GORASP2: variants seen among roughly 807,000 people sequenced by gnomAD.
The protein encoded by GORASP2 is golgi reassembly stacking protein 2.
Under a neutral mutation model 45.7 loss-of-function variants are expected in GORASP2, and 22 were observed. That is an observed-to-expected ratio of 0.48 (90% CI 0.34 to 0.69). The LOEUF is 0.69. Ranked by LOEUF, GORASP2 falls within the 30% of genes least tolerant of loss-of-function variation. The probability of loss-of-function intolerance (pLI) is 0.01; values close to 1 mark genes in which losing one functional copy is unlikely to be tolerated. For missense variants in GORASP2, 491 were observed against 562.7 expected, an observed-to-expected ratio of 0.87 and a Z score of 1.29; for synonymous variants, 221 against 215.6, an observed-to-expected ratio of 1.02 and a Z score of -0.22.
chr2:170,929,295 G>T lies in GORASP2; in HGVS notation c.-46G>T. On this transcript the variant is annotated 5_prime_UTR_variant, in exon 1 of 10. Transcript: ENST00000234160. ...TTAGAGCAGGCGGTGCGCTGGGGGCGGGAGCAGCGCGGAGCCCGGCTCGGC... is the reference window on the plus strand; with the variant it reads ...TTAGAGCAGGCGGTGCGCTGGGGGCTGGAGCAGCGCGGAGCCCGGCTCGGC... The T allele has an allele frequency of 7.6e-7, 1 of 1,315,308 alleles. No individual in the cohort carries two copies. Among genetic ancestry groups the T allele is most frequent in the Non-Finnish European group, 9.7e-7 (1 of 1,027,142 alleles). The allele number at this position is 1,315,308 out of a possible 1,614,324, so 81.5% of individuals were successfully genotyped here.
chr2:170,947,738 C>T (rs1310300383), intron 1 of GORASP2, among the ~76,000 whole-genome samples: 1 of 152,098 alleles, frequency 6.6e-6, no homozygotes, highest in Non-Finnish European at 1.5e-5. Context: ...TGCTGTGTCC[C>T]CTGCTAATTG....
Position 170,950,260 on chromosome 2 carries a change from T to C in GORASP2, c.405T>C (p.Tyr135=), listed in dbSNP as rs1704270289. The stretch of plus-strand genomic sequence containing the variant: ...CAGGTCTTAGACCACACAGTGATTA[T>C]ATAATTGGAGCAGATACAGTCATGA... ...ALAGLRPHSD[Y]IIGADTVMNE... The change falls in exon 4 of 10, where the codon TAT becomes TAC. Residue 135 remains tyrosine, a synonymous_variant. Transcript: ENST00000234160. The C allele has an allele frequency of 1.3e-6, 2 of 1,573,388 alleles. No individual in the cohort carries two copies. Among genetic ancestry groups the C allele is most frequent in the Non-Finnish European group, 8.7e-7 (1 of 1,153,546 alleles).
intron 1 of GORASP2, 87 bp downstream of exon 1, chr2:170,929,490 G>C: frequency 2.9e-6 from 3 of 1,046,530 alleles, no homozygotes; most frequent in Non-Finnish European, 3.8e-6. Context: ...GCTCCTTCAC[G>C]GGGCAGCCAG....
intron 1 of GORASP2, among the ~76,000 whole-genome samples, chr2:170,947,307 T>C (rs1412546554): frequency 9.9e-5 from 15 of 152,238 alleles, no homozygotes; most frequent in Admixed American, 9.8e-4. Flanking sequence ...CTCTGTTGTC[T>C]AGCTACGCAT....
intron 7 of GORASP2, 122 bp from the exon 8 acceptor site, chr2:170,961,541 A>T (rs981449084): frequency 7.1e-6 from 5 of 708,446 alleles, no homozygotes; most frequent in Non-Finnish European, 1.3e-5. Flanking sequence ...GCAGCTGGAA[A>T]TCGGGACCAA....
chr2:170,958,147 A>G (rs544335609), intron 7 of GORASP2, among the ~76,000 whole-genome samples: 1 of 152,278 alleles, frequency 6.6e-6, no homozygotes, highest in Non-Finnish European at 1.5e-5. Context: ...ATTTCTCTAG[A>G]TGAAATTTAA....
At chr2:170,938,125 A>G (rs1219325788) in intron 1 of GORASP2, among the ~76,000 whole-genome samples, 1 of 152,222 alleles carries the variant, frequency 6.6e-6, no homozygotes, top group Non-Finnish European at 1.5e-5. Context: ...AACGCTATCT[A>G]CCTCCTTGAT....
chr2:170,932,761 C>T (rs1703857708), intron 1 of GORASP2, among the ~76,000 whole-genome samples: 1 of 152,216 alleles, frequency 6.6e-6, no homozygotes, highest in Non-Finnish European at 1.5e-5. Flanking sequence ...GGCCTAACAT[C>T]GCCCCTTAGC....
Position 170,946,180 on chromosome 2 carries a change from T to G in GORASP2, c.64-2170T>G, listed in dbSNP as rs1704178985. ...AAGCATACCCCCATACCTGGCTAATTTTTTTGTAGAAACAGGGGTCTCCCT... is the reference window on the plus strand; with the variant it reads ...AAGCATACCCCCATACCTGGCTAATGTTTTTGTAGAAACAGGGGTCTCCCT... On this transcript the variant is annotated intron_variant, in intron 1 of 9. Coordinates refer to ENST00000234160, the MANE Select transcript of GORASP2 (RefSeq NM_015530.5). Among the ~76,000 whole-genome samples the G allele has an allele frequency of 2.0e-5, 3 of 152,088 alleles. No individual in the cohort carries two copies. In the South Asian group the frequency reaches 6.2e-4, roughly 32 times the overall value.
At chr2:170,939,378 C>T (rs1704023652) in intron 1 of GORASP2, among the ~76,000 whole-genome samples, 1 of 152,126 alleles carries the variant, frequency 6.6e-6, no homozygotes, top group Non-Finnish European at 1.5e-5. Context: ...TAGTCTACTG[C>T]AAAATTATTT....
chr2:170,939,676 T>C (rs1459544687), intron 1 of GORASP2, among the ~76,000 whole-genome samples: 1 of 152,206 alleles, frequency 6.6e-6, no homozygotes, highest in Non-Finnish European at 1.5e-5. Context: ...GTACAGTATA[T>C]GTAGGGTTTG....
Position 170,956,504 on chromosome 2 carries a change from G to T in GORASP2, c.768G>T (p.Leu256=), listed in dbSNP as rs575875615. 1 of 1,613,214 alleles carries T rather than the reference G, an allele frequency of 6.2e-7. No homozygotes were observed. Among genetic ancestry groups the T allele is most frequent in the African/African-American group, 1.3e-5 (1 of 74,962 alleles). Reference sequence around the variant, plus strand: ...GAACTACAGGAATTGAACAGAGTCTGACTGGACTTTCTATTAGCTCAACTC... The same window carrying T: ...GAACTACAGGAATTGAACAGAGTCTTACTGGACTTTCTATTAGCTCAACTC... ...PPGTTGIEQS[L]TGLSISSTPP... The change falls in exon 7 of 10, where the codon CTG becomes CTT. Residue 256 remains leucine, a synonymous_variant. Transcript: ENST00000234160.
At chr2:170,940,113 A>G (rs766998329) in intron 1 of GORASP2, among the ~76,000 whole-genome samples, 1 of 152,248 alleles carries the variant, frequency 6.6e-6, no homozygotes, top group Non-Finnish European at 1.5e-5. Flanking sequence ...TATACATTCT[A>G]GTAAGCCAAT....
chr2:170,959,631 G>A (rs1280969801), intron 7 of GORASP2, among the ~76,000 whole-genome samples: 12 of 152,140 alleles, frequency 7.9e-5, no homozygotes, highest in Admixed American at 7.9e-4. Flanking sequence ...CATTGTAACA[G>A]TGTAATACAG....
rs1704673865 is a variant in GORASP2, at chr2:170,965,854, A to G, written c.1083A>G (p.Pro361=). The part of the protein sequence containing the change: ...NLPGIAPLPL[P]SEFLPSFPLV... ...CTGGCATTGCACCTCTCCCCCTGCC[A>G]TCCGAGTTCCTCCCGTCATTCCCCT... Residue 361 remains proline, a synonymous_variant, in exon 10 of 10, where the codon CCA becomes CCG. Transcript: ENST00000234160. The G allele has an allele frequency of 1.2e-6, 2 of 1,613,748 alleles. No individual in the cohort carries two copies. Among genetic ancestry groups the G allele is most frequent in the Non-Finnish European group, 8.5e-7 (1 of 1,179,982 alleles).
At chr2:170,954,986 T>C (rs1162455885) in intron 6 of GORASP2, among the ~76,000 whole-genome samples, 1 of 152,086 alleles carries the variant, frequency 6.6e-6, no homozygotes, top group Non-Finnish European at 1.5e-5. Context: ...AGGACAGGGC[T>C]AGAGATGCAG....
At chr2:170,944,994 TCTGA>T (rs1353977901) in intron 1 of GORASP2, among the ~76,000 whole-genome samples, 2 of 152,200 alleles carry the variant, frequency 1.3e-5, no homozygotes, top group Non-Finnish European at 2.9e-5. Context: ...ATCTAGTTGA[TCTGA>T]CTTTGTCCCC....
At position 170,966,210 on chromosome 2, in the gene GORASP2, A is replaced by G; in HGVS notation, c.*80A>G. On this transcript the variant is annotated 3_prime_UTR_variant, in exon 10 of 10. Transcript: ENST00000234160. ...GGAAACGCAAACTATCATTAATTTCATACTAGTTTGTACCGTATCTGTAGG... is the reference window on the plus strand; with the variant it reads ...GGAAACGCAAACTATCATTAATTTCGTACTAGTTTGTACCGTATCTGTAGG... The G allele has an allele frequency of 3.0e-6, 3 of 1,003,386 alleles. No individual in the cohort carries two copies. Among genetic ancestry groups the G allele is most frequent in the Admixed American group, 1.8e-5 (1 of 55,842 alleles). The allele number at this position is 1,003,386 out of a possible 1,614,324, so 62.2% of individuals were successfully genotyped here. A position where few individuals can be genotyped will look rare whatever the true frequency, so the allele number is the denominator to read the frequency against.
At chr2:170,948,917 A>G (rs1008720168) in intron 2 of GORASP2, among the ~76,000 whole-genome samples, 1 of 152,206 alleles carries the variant, frequency 6.6e-6, no homozygotes, top group Non-Finnish European at 1.5e-5. Flanking sequence ...GAGTTTACCC[A>G]TAATAAAGTT....
Sources: allele counts gnomAD v4.1 joint callset (sites outside exome capture counted in the v4.1 genomes callset), GRCh38; gene constraint gnomAD v4.1.1; transcripts MANE v1.5; gene names NCBI Gene and HGNC (gene_info 2026-07-23, HGNC 2026-07-21).